The following SOX6 variants were observed in gnomAD, a reference collection of about 807,000 sequenced individuals.
SOX6 encodes the protein SRY-box transcription factor 6, also known as transcription factor SOX-6.
In SOX6, 11 loss-of-function variants were observed where a neutral mutation model predicts 97.8. The ratio of observed to expected loss-of-function variants is 0.11; its 90% CI spans 0.07 to 0.19. The LOEUF (loss-of-function observed/expected upper bound fraction) is 0.19, where lower values mean the gene tolerates loss of function less well. SOX6 is among the 10% of genes least tolerant of loss of function. The pLI is 1.00. For missense variants in SOX6, 810 were observed against 1,039.5 expected (o/e 0.78, Z 3.04); for synonymous variants, 360 against 371.4 (o/e 0.97, Z 0.35).
intron 4 of SOX6, among the ~76,000 whole-genome samples, chr11:16,593,380 C>T (rs952304634): frequency 6.6e-6 from 1 of 152,066 alleles, no homozygotes; most frequent in African/African-American, 2.4e-5. Flanking sequence ...TGATGGTCAG[C>T]TTTGAACACA....
At chr11:16,656,946 G>C (rs1239788366) in intron 3 of SOX6, among the ~76,000 whole-genome samples, 3 of 152,092 alleles carry the variant, frequency 2.0e-5, no homozygotes, top group African/African-American at 7.2e-5. Context: ...TACAACTGAT[G>C]AACCAATATT....
chr11:16,325,892 C>T (rs2134315268), intron 2 of SOX6, among the ~76,000 whole-genome samples: 1 of 152,142 alleles, frequency 6.6e-6, no homozygotes, highest in African/African-American at 2.4e-5. Flanking sequence ...TTTTGCCCTT[C>T]CACCCTTCCG....
At chr11:16,410,491 T>G (rs1858782239) in intron 1 of SOX6, among the ~76,000 whole-genome samples, 1 of 152,126 alleles carries the variant, frequency 6.6e-6, no homozygotes, top group Non-Finnish European at 1.5e-5. Context: ...GCATGATGGC[T>G]CACGCCTATA....
chr11:16,501,554 C>G (rs1180743015), intron 4 of SOX6, among the ~76,000 whole-genome samples: 4 of 151,786 alleles, frequency 2.6e-5, no homozygotes, highest in Non-Finnish European at 5.9e-5. Context: ...TTTTTGCAAT[C>G]TACTCATCTG....
intron 4 of SOX6, among the ~76,000 whole-genome samples, chr11:16,498,364 G>C (rs536748935): frequency 6.6e-6 from 1 of 152,280 alleles, no homozygotes; most frequent in South Asian, 2.1e-4. Context: ...ATGCCAAATT[G>C]TAAAGACCAT....
chr11:16,177,621 A>C (rs994952044), intron 6 of SOX6, among the ~76,000 whole-genome samples: 2 of 145,654 alleles, frequency 1.4e-5, no homozygotes, highest in African/African-American at 2.6e-5. Context: ...GAATAAGATG[A>C]TCTCTCTCTC....
chr11:16,700,962 A>C (rs1848088291), intron 3 of SOX6, among the ~76,000 whole-genome samples: 1 of 152,232 alleles, frequency 6.6e-6, no homozygotes, highest in Admixed American at 6.5e-5. Context: ...TAGTTTAAAA[A>C]AATATATACA....
At chr11:16,419,939 A>G (rs1159422515) in intron 1 of SOX6, among the ~76,000 whole-genome samples, 3 of 152,202 alleles carry the variant, frequency 2.0e-5, no homozygotes, top group African/African-American at 7.2e-5. Flanking sequence ...GACGGGGGAA[A>G]AGGTGACAGA....
intron 1 of SOX6, among the ~76,000 whole-genome samples, chr11:16,350,672 A>G (rs1452576162): frequency 6.6e-6 from 1 of 152,216 alleles, no homozygotes; most frequent in Non-Finnish European, 1.5e-5. Context: ...CTTGTCAGAG[A>G]ACATCTTTCA....
At chr11:16,634,043 C>G (rs1375619630) in intron 3 of SOX6, among the ~76,000 whole-genome samples, 1 of 152,024 alleles carries the variant, frequency 6.6e-6, no homozygotes, top group African/African-American at 2.4e-5. Context: ...CAACAAACAC[C>G]AATCCCAAAA....
intron 3 of SOX6, among the ~76,000 whole-genome samples, chr11:16,641,367 G>T (rs11529140): frequency 0.27 from 40,720 of 152,056 alleles, 6,201 homozygotes; most frequent in East Asian, 0.53. Flanking sequence ...GTGTGGTGCT[G>T]AGAAGAATGT....
At chr11:16,645,989 A>G (rs1256973676) in intron 3 of SOX6, 1 of 152,188 alleles carries the variant, frequency 6.6e-6, no homozygotes, top group Non-Finnish European at 1.5e-5. Context: ...ATTCTCACAG[A>G]TCTGTGTGTT....
At chr11:16,697,545 A>G (rs1848062987) in intron 3 of SOX6, among the ~76,000 whole-genome samples, 1 of 152,136 alleles carries the variant, frequency 6.6e-6, no homozygotes, top group African/African-American at 2.4e-5. Context: ...GAGGCAGGAG[A>G]ATTGCTTGAA....
intron 2 of SOX6, among the ~76,000 whole-genome samples, chr11:16,324,317 T>A (rs1262217966): frequency 1.3e-5 from 2 of 152,112 alleles, no homozygotes; most frequent in Non-Finnish European, 2.9e-5. Flanking sequence ...ATGATACAAC[T>A]ACACAGTGGA....
intron 3 of SOX6, among the ~76,000 whole-genome samples, chr11:16,667,342 T>C (rs893515044): frequency 3.3e-5 from 5 of 152,028 alleles, no homozygotes; most frequent in Non-Finnish European, 7.4e-5. Flanking sequence ...CAAGCAGATA[T>C]AACCCAAAGA....
intron 9 of SOX6, among the ~76,000 whole-genome samples, chr11:16,058,804 C>T (rs1487048296): frequency 6.6e-6 from 1 of 152,030 alleles, no homozygotes; most frequent in East Asian, 1.9e-4. Context: ...CTCTCAAGTT[C>T]TACTTTTCAA....
chr11:16,443,313 T>A (rs1179066229), intron 1 of SOX6, among the ~76,000 whole-genome samples: 4 of 152,224 alleles, frequency 2.6e-5, no homozygotes, highest in African/African-American at 9.6e-5. Context: ...AAACTAACTT[T>A]AGTATGCTAT....
intron 2 of SOX6, among the ~76,000 whole-genome samples, chr11:16,339,377 A>G (rs1266632487): frequency 6.6e-6 from 1 of 151,952 alleles, no homozygotes; most frequent in Non-Finnish European, 1.5e-5. Flanking sequence ...CCAGCGACGA[A>G]GGCCATCTTT....
At chr11:16,158,490 T>C (rs1020703177) in intron 6 of SOX6, among the ~76,000 whole-genome samples, 1 of 152,020 alleles carries the variant, frequency 6.6e-6, no homozygotes, top group Non-Finnish European at 1.5e-5. Flanking sequence ...CTGTAATTTA[T>C]ATATAAAAAT....
Sources: allele counts gnomAD v4.1 joint callset (sites outside exome capture counted in the v4.1 genomes callset), GRCh38; gene constraint gnomAD v4.1.1; transcripts MANE v1.5; gene names NCBI Gene and HGNC (gene_info 2026-07-23, HGNC 2026-07-21).